Variants in CTDSP2 observed in about 807,000 individuals in gnomAD.
CTDSP2 encodes the protein CTD small phosphatase 2.
A neutral mutation model predicts 31.6 loss-of-function variants in CTDSP2; 9 were observed. That is an observed-to-expected ratio of 0.28 (90% CI 0.17 to 0.50). The LOEUF is 0.50. Among genes scored for constraint, CTDSP2 ranks in the 20% least tolerant of loss-of-function variants. The probability of loss-of-function intolerance (pLI) is 0.98; values close to 1 mark genes in which losing one functional copy is unlikely to be tolerated. For synonymous variants in CTDSP2, 134 were observed against 134.5 expected (o/e 1.00, Z 0.03); for missense variants, 267 against 348.5 (o/e 0.77, Z 1.86).
rs1422445555 is a variant in CTDSP2 at position 57,821,638 on chromosome 12, C to G, written c.*1964G>C. Reference sequence around the variant, plus strand: ...CTAGGTCAGGCCTTGGGTCCGAAGCCACAGCTGGCTCTAAGAGTCTGAGCT... The same window carrying G: ...CTAGGTCAGGCCTTGGGTCCGAAGCGACAGCTGGCTCTAAGAGTCTGAGCT... On this transcript the variant is annotated 3_prime_UTR_variant, in exon 8 of 8. Transcript: ENST00000398073. 1 of 152,270 alleles carries G rather than the reference C, an allele frequency of 6.6e-6. No homozygotes were observed. The highest frequency in any genetic ancestry group is 1.5e-5 in the Non-Finnish European group (1 of 68,072). 9.4% of individuals were successfully genotyped at this position (152,270 alleles called of 1,614,324 possible). A position where few individuals can be genotyped will look rare whatever the true frequency, so the allele number is the denominator to read the frequency against.
At chr12:57,845,878 G>T (rs964919379) in intron 1 of CTDSP2, among the ~76,000 whole-genome samples, 17 of 152,112 alleles carry the variant, frequency 1.1e-4, no homozygotes, top group African/African-American at 4.1e-4. Flanking sequence ...GCCGGACGCC[G>T]TCACCGCCAG....
intron 1 of CTDSP2, among the ~76,000 whole-genome samples, chr12:57,843,826 CAG>C (rs1416774878): frequency 6.6e-6 from 1 of 152,172 alleles, no homozygotes; most frequent in African/African-American, 2.4e-5. Context: ...ATGTGGGACT[CAG>C]AAAGTTGGTT....
rs1473311837 is a variant in CTDSP2, at chr12:57,820,684, G to C, written c.*2918C>G. 6.6e-6 allele frequency: 1 copy of C among 152,612 alleles called. No homozygotes were observed. The highest frequency in any genetic ancestry group is 1.5e-5 in the Non-Finnish European group (1 of 68,048). 9.5% of individuals were successfully genotyped at this position (152,612 alleles called of 1,614,324 possible). On this transcript the variant is annotated 3_prime_UTR_variant, in exon 8 of 8. Coordinates refer to ENST00000398073, the MANE Select transcript of CTDSP2 (RefSeq NM_005730.4). ...CTAAACAGAAGGTCCCATGTTAACT[G>C]AAGGCAAATTCACTCAACCTCTCTA...
chr12:57,828,218 G>A (rs1032963447), intron 2 of CTDSP2, among the ~76,000 whole-genome samples: 1 of 152,032 alleles, frequency 6.6e-6, no homozygotes, highest in Non-Finnish European at 1.5e-5. Context: ...TCAGGAGTTC[G>A]AGACCAGCCT....
At chr12:57,843,546 C>T (rs1486871297) in intron 1 of CTDSP2, among the ~76,000 whole-genome samples, 2 of 151,712 alleles carry the variant, frequency 1.3e-5, no homozygotes, top group Non-Finnish European at 1.5e-5. Flanking sequence ...AAAAAAAAAA[C>T]CCGCAATGGC....
Position 57,831,153 on chromosome 12 carries a change from T to C in CTDSP2, c.65-1557A>G, listed in dbSNP as rs142111085. Among the ~76,000 whole-genome samples, 553 of 142,224 alleles carry C rather than the reference T, an allele frequency of 3.9e-3. 3 individuals are homozygous for C. Among genetic ancestry groups the C allele is most frequent in the African/African-American group, 0.013 (511 of 38,352 alleles). 93.3% of individuals were successfully genotyped at this position (142,224 alleles called of 152,430 possible). A position where few individuals can be genotyped will look rare whatever the true frequency, so the allele number is the denominator to read the frequency against. On this transcript the variant is annotated intron_variant, in intron 1 of 7. Transcript: ENST00000398073. ...TGAGCATTACAGGATCAACTAGAAA[T>C]GGACTTAAGAATATCTTTTGTGCTG...
chr12:57,833,351 CT>C (rs1956228259), intron 1 of CTDSP2, among the ~76,000 whole-genome samples: 2 of 152,216 alleles, frequency 1.3e-5, no homozygotes, highest in Admixed American at 1.3e-4. Flanking sequence ...CCCTGGGCCT[CT>C]GAGACCACAA....
At chr12:57,838,733 C>T (rs892116880) in intron 1 of CTDSP2, among the ~76,000 whole-genome samples, 1 of 152,236 alleles carries the variant, frequency 6.6e-6, no homozygotes, top group African/African-American at 2.4e-5. Flanking sequence ...CGAATCTAGG[C>T]TCTGCCATGT....
rs147757771 is a variant in CTDSP2 at position 57,843,882 on chromosome 12, C to T, written c.64+2490G>A. ...TAAGCAGCCCAGGAAGAAAGTCTGT[C>T]TTCTCTGGAATGCAATCAAATTACA... On this transcript the variant is annotated intron_variant, in intron 1 of 7. Transcript: ENST00000398073. 5.6e-4 allele frequency among the ~76,000 whole-genome samples: 85 copies of T among 152,306 alleles called. No homozygotes were observed. The East Asian group carries it at 0.016, about 28-fold the overall frequency.
At position 57,821,825 on chromosome 12, in the gene CTDSP2, A is replaced by G. The variant is rs924115381; in HGVS notation, c.*1777T>C. 1 of 152,238 alleles carries G rather than the reference A, an allele frequency of 6.6e-6. No individual in the cohort carries two copies. The highest frequency in any genetic ancestry group is 1.5e-5 in the Non-Finnish European group (1 of 68,062). 9.4% of individuals were successfully genotyped at this position (152,238 alleles called of 1,614,324 possible). On this transcript the variant is annotated 3_prime_UTR_variant, in exon 8 of 8. Transcript: ENST00000398073. The stretch of plus-strand genomic sequence containing the variant: ...ACTTTATGATTCCAAAGAGAAAGAC[A>G]AGGCCTTATAACCTTGGGACAAGAA...
Position 57,820,457 on chromosome 12 carries a change from C to A in CTDSP2, c.*3145G>T, listed in dbSNP as rs1303735761. The A allele has an allele frequency of 6.6e-6, 1 of 152,262 alleles. No homozygotes were observed. The highest frequency in any genetic ancestry group is 1.5e-5 in the Non-Finnish European group (1 of 68,050). The allele number at this position is 152,262 out of a possible 1,614,324, so 9.4% of individuals were successfully genotyped here. On this transcript the variant is annotated 3_prime_UTR_variant, in exon 8 of 8. Coordinates refer to ENST00000398073, the MANE Select transcript of CTDSP2 (RefSeq NM_005730.4). ...CCTGGCTAGGACACTGGGTGCCAGA[C>A]AGCCTTCTGAGGGGATTTTCTTTCT...
chr12:57,838,660 C>G (rs1178636902), intron 1 of CTDSP2, among the ~76,000 whole-genome samples: 1 of 152,232 alleles, frequency 6.6e-6, no homozygotes, highest in Admixed American at 6.5e-5. Flanking sequence ...CAGGACAAAG[C>G]AAGGGTATCT....
At chr12:57,836,828 C>G (rs778018280) in intron 1 of CTDSP2, among the ~76,000 whole-genome samples, 8 of 152,214 alleles carry the variant, frequency 5.3e-5, no homozygotes, top group Non-Finnish European at 1.0e-4. Context: ...GCCTGCGATT[C>G]AGCAGAAGGT....
intron 2 of CTDSP2, 62 bp from the exon 3 acceptor site, chr12:57,827,652 A>C: frequency 6.6e-7 from 1 of 1,523,364 alleles, no homozygotes; most frequent in Non-Finnish European, 9.1e-7. Flanking sequence ...ATCCAAACCC[A>C]CTGCTTCTGT....
intron 5 of CTDSP2, among the ~76,000 whole-genome samples, chr12:57,825,662 C>G (rs1003424500): frequency 5.3e-5 from 8 of 152,318 alleles, no homozygotes; most frequent in African/African-American, 1.2e-4. Flanking sequence ...GTCACATGAT[C>G]CTTAACCTGG....
At chr12:57,837,055 C>A (rs1956252399) in intron 1 of CTDSP2, 1 of 152,238 alleles carries the variant, frequency 6.6e-6, no homozygotes, top group Non-Finnish European at 1.5e-5. Context: ...ATTTCCGGCC[C>A]TTCTTGGACG....
intron 1 of CTDSP2, among the ~76,000 whole-genome samples, chr12:57,831,894 G>A (rs778408301): frequency 2.0e-5 from 3 of 152,220 alleles, no homozygotes; most frequent in Non-Finnish European, 4.4e-5. Context: ...TTGCAGAAGT[G>A]GGTAATGGAA....
chr12:57,839,076 G>A (rs1956265309), intron 1 of CTDSP2, among the ~76,000 whole-genome samples: 1 of 152,156 alleles, frequency 6.6e-6, no homozygotes, highest in Non-Finnish European at 1.5e-5. Context: ...TGGCCAACCA[G>A]TTCCTCCTTC....
chr12:57,824,172 C>G, intron 6 of CTDSP2, 55 bp downstream of exon 6: 1 of 1,609,012 alleles, frequency 6.2e-7, no homozygotes, highest in Non-Finnish European at 8.5e-7. Flanking sequence ...AGCTGCTGGA[C>G]CACCCCCGTG....
Sources: gnomAD v4.1 joint callset for allele counts (sites outside exome capture counted in the v4.1 genomes callset) on GRCh38, gnomAD v4.1.1 for gene constraint, MANE v1.5 for transcripts, NCBI Gene and HGNC (gene_info 2026-07-23, HGNC 2026-07-21) for gene names.